ROBO2: variants seen among roughly 807,000 people sequenced by gnomAD.
ROBO2 encodes roundabout homolog 2.
ROBO2 carries 53 observed loss-of-function variants against 160.8 expected under a neutral mutation model. The observed-to-expected ratio is 0.33, with a 90% CI of 0.26 to 0.41. The LOEUF (loss-of-function observed/expected upper bound fraction) is 0.41. Among genes scored for constraint, ROBO2 ranks in the 10% least tolerant of loss-of-function variants. The probability of loss-of-function intolerance (pLI) is 1.00; values close to 1 mark genes in which losing one functional copy is unlikely to be tolerated. For missense variants in ROBO2, 1,577 were observed against 1,722.4 expected (o/e 0.92, Z 1.49); for synonymous variants, 664 against 611.7 (o/e 1.09, Z -1.26).
intron 2 of ROBO2, among the ~76,000 whole-genome samples, chr3:76,647,767 A>G (rs889747387): frequency 2.6e-5 from 4 of 152,108 alleles, no homozygotes; most frequent in African/African-American, 9.7e-5. Flanking sequence ...AGGGAAGAAT[A>G]CAGTAATTGT....
chr3:76,564,271 A>C (rs2084379102), intron 2 of ROBO2, among the ~76,000 whole-genome samples: 1 of 152,152 alleles, frequency 6.6e-6, no homozygotes, highest in Non-Finnish European at 1.5e-5. Flanking sequence ...TTCCAAAGCA[A>C]CTTTTTTAAC....
intron 5 of ROBO2, among the ~76,000 whole-genome samples, chr3:77,516,319 C>T (rs187542653): frequency 6.6e-6 from 1 of 151,554 alleles, no homozygotes; most frequent in African/African-American, 2.4e-5. Context: ...ATAATAGCTT[C>T]CCACTTTACC....
chr3:76,911,246 C>G (rs2075974951), intron 2 of ROBO2, among the ~76,000 whole-genome samples: 3 of 152,096 alleles, frequency 2.0e-5, no homozygotes, highest in Admixed American at 1.3e-4. Flanking sequence ...TGTTGCTAAG[C>G]ACAAGTCTTA....
At chr3:76,582,566 T>TA (rs952124764) in intron 2 of ROBO2, among the ~76,000 whole-genome samples, 4 of 152,034 alleles carry the variant, frequency 2.6e-5, no homozygotes, top group East Asian at 1.9e-4. Context: ...ATAGAAAAAT[T>TA]AAAAAAACAA....
intron 2 of ROBO2, among the ~76,000 whole-genome samples, chr3:77,402,297 T>G (rs2075871593): frequency 6.6e-6 from 1 of 151,896 alleles, no homozygotes; most frequent in East Asian, 1.9e-4. Flanking sequence ...GAGTGGGGTC[T>G]AGGGGAGGGA....
rs114227449 is a variant in ROBO2, at chr3:76,523,179, G to A, written c.110-574835G>A. On this transcript the variant is annotated intron_variant, in intron 2 of 26. Transcript: ENST00000487694. ...AAGCTTGGGAGATAATAATGTACTT[G>A]TTCTACCAAAATTGTCCCATTTTTG... Among the ~76,000 whole-genome samples, 661 of 151,848 alleles carry A rather than the reference G, an allele frequency of 4.4e-3. 6 individuals are homozygous for A. Among genetic ancestry groups the A allele is most frequent in the African/African-American group, 0.015 (603 of 41,490 alleles).
At chr3:76,407,363 C>G (rs1198908466) in intron 2 of ROBO2, among the ~76,000 whole-genome samples, 1 of 151,760 alleles carries the variant, frequency 6.6e-6, no homozygotes. Context: ...TAAAATATAC[C>G]TTTTATTTGC....
At chr3:76,062,214 T>C (rs779132494) in intron 2 of ROBO2, among the ~76,000 whole-genome samples, 4 of 152,120 alleles carry the variant, frequency 2.6e-5, no homozygotes, top group East Asian at 1.9e-4. Flanking sequence ...AAACAATCTT[T>C]GAAAGGCATA....
At chr3:77,097,197 G>A (rs891942574) in intron 1 of ROBO2, among the ~76,000 whole-genome samples, 2 of 152,152 alleles carry the variant, frequency 1.3e-5, no homozygotes, top group South Asian at 2.1e-4. Context: ...TACCATGCAC[G>A]TAACTGTCAT....
At chr3:75,985,236 A>G (rs2065383259) in intron 2 of ROBO2, among the ~76,000 whole-genome samples, 1 of 151,454 alleles carries the variant, frequency 6.6e-6, no homozygotes, top group African/African-American at 2.4e-5. Flanking sequence ...CCTGCTTCAG[A>G]CTTTGGCCAA....
At chr3:77,249,086 AG>A (rs1429514726) in intron 2 of ROBO2, among the ~76,000 whole-genome samples, 1 of 152,098 alleles carries the variant, frequency 6.6e-6, no homozygotes, top group African/African-American at 2.4e-5. Flanking sequence ...TCCCGACCTC[AG>A]GTGATCCACC....
At chr3:76,797,456 T>C (rs1310539894) in intron 2 of ROBO2, among the ~76,000 whole-genome samples, 3 of 151,976 alleles carry the variant, frequency 2.0e-5, no homozygotes, top group Non-Finnish European at 4.4e-5. Flanking sequence ...GAGGAAAGTT[T>C]ATAGCAATGA....
At chr3:76,038,150 G>T (rs1416350257) in intron 2 of ROBO2, among the ~76,000 whole-genome samples, 1 of 151,972 alleles carries the variant, frequency 6.6e-6, no homozygotes, top group Non-Finnish European at 1.5e-5. Context: ...CAGGAAGTAG[G>T]GGAAGATCAT....
intron 2 of ROBO2, among the ~76,000 whole-genome samples, chr3:76,443,301 T>A (rs955894144): frequency 1.3e-5 from 2 of 151,974 alleles, no homozygotes; most frequent in South Asian, 2.1e-4. Context: ...CATTTCAACA[T>A]GAAATTTGGA....
chr3:77,431,740 A>G (rs569116083), intron 2 of ROBO2, among the ~76,000 whole-genome samples: 1 of 152,294 alleles, frequency 6.6e-6, no homozygotes, highest in South Asian at 2.1e-4. Context: ...AAAGGGGCAG[A>G]CTGGTTGACT....
chr3:76,084,191 A>G (rs1456261550), intron 2 of ROBO2, among the ~76,000 whole-genome samples: 4 of 152,162 alleles, frequency 2.6e-5, no homozygotes, highest in African/African-American at 9.7e-5. Flanking sequence ...ATGTAGAAGA[A>G]TGCAAATCTG....
chr3:76,282,860 T>C (rs910732179), intron 2 of ROBO2, among the ~76,000 whole-genome samples: 29 of 151,818 alleles, frequency 1.9e-4, no homozygotes, highest in African/African-American at 6.8e-4. Context: ...CACATACTTA[T>C]GCATATAAAA....
At chr3:76,618,065 G>A (rs548357717) in intron 2 of ROBO2, among the ~76,000 whole-genome samples, 2 of 151,584 alleles carry the variant, frequency 1.3e-5, no homozygotes, top group East Asian at 3.9e-4. Context: ...AACTTTAAAG[G>A]CTTCCTAGAA....
At chr3:76,815,877 A>T (rs1207388188) in intron 2 of ROBO2, among the ~76,000 whole-genome samples, 1 of 152,086 alleles carries the variant, frequency 6.6e-6, no homozygotes, top group Non-Finnish European at 1.5e-5. Context: ...GAGAAAAGTA[A>T]ATTTCCAAAG....
Sources: gnomAD v4.1 joint callset for allele counts (sites outside exome capture counted in the v4.1 genomes callset) on GRCh38, gnomAD v4.1.1 for gene constraint, MANE v1.5 for transcripts, NCBI Gene and HGNC (gene_info 2026-07-23, HGNC 2026-07-21) for gene names.